Variants in GPC6 observed in about 807,000 individuals in gnomAD.
GPC6 encodes glypican 6.
A neutral mutation model predicts 55.2 loss-of-function variants in GPC6; 14 were observed. That is an observed-to-expected ratio of 0.25 (90% confidence interval 0.17 to 0.40). GPC6 has a LOEUF of 0.40. GPC6 is among the 10% of genes least tolerant of loss of function. The pLI, the probability that GPC6 is intolerant of heterozygous loss-of-function variation, is 1.00. For synonymous variants in GPC6, 278 were observed against 259.6 expected (o/e 1.07, Z -0.68); for missense variants, 641 against 708.5 (o/e 0.90, Z 1.08).
At chr13:93,596,272 A>C (rs1325504155) in intron 2 of GPC6, among the ~76,000 whole-genome samples, 1 of 152,112 alleles carries the variant, frequency 6.6e-6, no homozygotes, top group African/African-American at 2.4e-5. Context: ...GTGTGCTGGA[A>C]AAATTCAGAT....
chr13:94,043,521 A>G (rs1883615163), intron 4 of GPC6, among the ~76,000 whole-genome samples: 1 of 151,858 alleles, frequency 6.6e-6, no homozygotes, highest in East Asian at 1.9e-4. Flanking sequence ...ACATTGCTAT[A>G]ATACTATTAA....
chr13:93,548,349 A>G (rs1874939972), intron 2 of GPC6, among the ~76,000 whole-genome samples: 1 of 152,140 alleles, frequency 6.6e-6, no homozygotes, highest in Non-Finnish European at 1.5e-5. Flanking sequence ...TTTTCTTTCT[A>G]TTTTTATTAA....
chr13:93,591,786 C>G (rs2139509132), intron 2 of GPC6, among the ~76,000 whole-genome samples: 1 of 152,252 alleles, frequency 6.6e-6, no homozygotes, highest in African/African-American at 2.4e-5. Context: ...CTATGAGTAA[C>G]TTCCCATCAG....
intron 2 of GPC6, among the ~76,000 whole-genome samples, chr13:93,805,535 T>C (rs1467451567): frequency 4.6e-5 from 7 of 152,218 alleles, no homozygotes; most frequent in African/African-American, 1.7e-4. Context: ...GACTATCATA[T>C]ACTACATTTT....
chr13:93,439,494 G>A (rs1566357888), intron 1 of GPC6, among the ~76,000 whole-genome samples: 1 of 151,978 alleles, frequency 6.6e-6, no homozygotes, highest in Non-Finnish European at 1.5e-5. Context: ...CTTCTGCCGT[G>A]ATTGTGAGGC....
chr13:94,346,559 A>G (rs1020262665), intron 6 of GPC6, among the ~76,000 whole-genome samples: 11 of 152,076 alleles, frequency 7.2e-5, no homozygotes, highest in Non-Finnish European at 1.6e-4. Context: ...GTCTCTACTA[A>G]AAATACAAAA....
At chr13:93,587,678 A>T (rs1471256843) in intron 2 of GPC6, among the ~76,000 whole-genome samples, 2 of 152,056 alleles carry the variant, frequency 1.3e-5, no homozygotes, top group Non-Finnish European at 2.9e-5. Context: ...TCAGTACTCG[A>T]CTTGACTGTC....
chr13:94,329,215 A>T (rs9584215), intron 6 of GPC6, among the ~76,000 whole-genome samples: 5,778 of 152,280 alleles, frequency 0.038, 358 homozygotes, highest in African/African-American at 0.13. Flanking sequence ...ATCCAAAAAG[A>T]ACAGAAGTGC....
intron 4 of GPC6, among the ~76,000 whole-genome samples, chr13:94,209,293 G>T (rs1463432388): frequency 6.6e-6 from 1 of 152,144 alleles, no homozygotes; most frequent in Non-Finnish European, 1.5e-5. Context: ...TCTAGTACTT[G>T]GTTTGGTTGT....
At chr13:93,817,219 G>A (rs1886884778) in intron 2 of GPC6, among the ~76,000 whole-genome samples, 1 of 152,144 alleles carries the variant, frequency 6.6e-6, no homozygotes, top group Admixed American at 6.5e-5. Flanking sequence ...TAGGACTGTT[G>A]ACAACATGAA....
At chr13:93,984,035 T>G (rs1446743061) in intron 3 of GPC6, among the ~76,000 whole-genome samples, 2 of 152,154 alleles carry the variant, frequency 1.3e-5, no homozygotes, top group Non-Finnish European at 2.9e-5. Flanking sequence ...ATTGAATTTA[T>G]TTATTTATTT....
At chr13:93,838,708 C>A (rs1414071875) in intron 3 of GPC6, among the ~76,000 whole-genome samples, 1 of 151,940 alleles carries the variant, frequency 6.6e-6, no homozygotes, top group Non-Finnish European at 1.5e-5. Flanking sequence ...ATTAACCAGA[C>A]AAGGGGTGAT....
intron 3 of GPC6, among the ~76,000 whole-genome samples, chr13:93,982,621 C>G (rs1594640724): frequency 6.6e-6 from 1 of 152,132 alleles, no homozygotes; most frequent in African/African-American, 2.4e-5. Flanking sequence ...TCCATATCCA[C>G]CAACTTACTA....
intron 2 of GPC6, among the ~76,000 whole-genome samples, chr13:93,778,025 A>G (rs759555495): frequency 8.5e-5 from 13 of 152,206 alleles, no homozygotes; most frequent in Non-Finnish European, 1.3e-4. Flanking sequence ...AATGCTGGTA[A>G]TTAATCCTTG....
At chr13:94,286,745 T>C (rs1322399067) in intron 5 of GPC6, among the ~76,000 whole-genome samples, 1 of 152,232 alleles carries the variant, frequency 6.6e-6, no homozygotes, top group Non-Finnish European at 1.5e-5. Context: ...CCAAGTATGT[T>C]GACTAATCCC....
intron 1 of GPC6, among the ~76,000 whole-genome samples, chr13:93,372,983 C>T (rs1874738150): frequency 6.6e-6 from 1 of 152,130 alleles, no homozygotes; most frequent in African/African-American, 2.4e-5. Context: ...TATGCAGGGT[C>T]GTCTTTCCTT....
At chr13:94,353,574 C>CAT (rs145570959) in intron 6 of GPC6, among the ~76,000 whole-genome samples, 7,747 of 149,966 alleles carry the variant, frequency 0.052, 239 homozygotes, top group Non-Finnish European at 0.068. Flanking sequence ...GTGCGAGGAG[C>CAT]ATATATATAT....
chr13:93,843,131 C>G (rs1888016738), intron 3 of GPC6, among the ~76,000 whole-genome samples: 2 of 149,426 alleles, frequency 1.3e-5, no homozygotes, highest in Admixed American at 1.3e-4. Context: ...CTTTTACAAC[C>G]TAAGAGATTT....
intron 2 of GPC6, among the ~76,000 whole-genome samples, chr13:93,705,968 A>G (rs185688255): frequency 1.8e-4 from 28 of 151,956 alleles, no homozygotes; most frequent in Admixed American, 1.4e-3. Flanking sequence ...TGTTGTTTCC[A>G]TGATAACCAA....
Sources: gnomAD v4.1 joint callset for allele counts (sites outside exome capture counted in the v4.1 genomes callset) on GRCh38, gnomAD v4.1.1 for gene constraint, MANE v1.5 for transcripts, NCBI Gene and HGNC (gene_info 2026-07-23, HGNC 2026-07-21) for gene names.